CMSS1: variants seen among roughly 807,000 people sequenced by gnomAD.
The protein encoded by CMSS1 is cms1 ribosomal small subunit homolog, also known as protein CMSS1.
A neutral mutation model predicts 43.5 loss-of-function variants in CMSS1; 33 were observed. That is an observed-to-expected ratio of 0.76 (90% CI 0.57 to 1.01). CMSS1 has a LOEUF of 1.01. Among genes scored for constraint, CMSS1 ranks in the 50% least tolerant of loss-of-function variants. The pLI is 0.00. For synonymous variants in CMSS1, 115 were observed against 117.2 expected, an observed-to-expected ratio of 0.98 and a Z score of 0.12; for missense variants, 313 against 326.4, an observed-to-expected ratio of 0.96 and a Z score of 0.32.
chr3:99,900,869 G>A (rs562580406), intron 1 of CMSS1, among the ~76,000 whole-genome samples: 1 of 152,202 alleles, frequency 6.6e-6, no homozygotes, highest in Admixed American at 6.5e-5. Flanking sequence ...GTAGCAAAGT[G>A]TTAGAAGCAC....
At chr3:99,845,905 C>T (rs947563467) in intron 1 of CMSS1, among the ~76,000 whole-genome samples, 3 of 152,132 alleles carry the variant, frequency 2.0e-5, no homozygotes, top group Middle Eastern at 3.2e-3. Context: ...TGGTAAATTT[C>T]CAGTTATGTT....
intron 1 of CMSS1, among the ~76,000 whole-genome samples, chr3:99,897,331 T>C (rs1400978840): frequency 6.6e-6 from 1 of 151,652 alleles, no homozygotes; most frequent in African/African-American, 2.4e-5. Context: ...ATTGCACCAT[T>C]GCACTCCAGC....
intron 1 of CMSS1, among the ~76,000 whole-genome samples, chr3:99,932,824 G>A (rs539366513): frequency 1.3e-5 from 2 of 152,178 alleles, no homozygotes; most frequent in African/African-American, 4.8e-5. Flanking sequence ...ACAGGAGGCC[G>A]AGGTTGCATT....
intron 1 of CMSS1, among the ~76,000 whole-genome samples, chr3:99,876,532 T>C (rs1705534308): frequency 6.6e-6 from 1 of 152,272 alleles, no homozygotes; most frequent in East Asian, 1.9e-4. Context: ...CTGTTATTCT[T>C]ATGTAAACTT....
rs151093129 is a variant in CMSS1, at chr3:99,936,835, C to A, written c.64+118792C>A. Reference sequence around the variant, plus strand: ...AAGATATACATAGTAAAGGAAAAATCCTGGTTTAACATTAATTTATTCAAC... The same window carrying A: ...AAGATATACATAGTAAAGGAAAAATACTGGTTTAACATTAATTTATTCAAC... On this transcript the variant is annotated intron_variant, in intron 1 of 9. Coordinates refer to ENST00000421999, the MANE Select transcript of CMSS1 (RefSeq NM_032359.4). Among the ~76,000 whole-genome samples the A allele has an allele frequency of 1.7e-3, 266 of 152,108 alleles. 3 individuals are homozygous for A. The highest frequency in any genetic ancestry group is 6.8e-3 in the Middle Eastern group (2 of 294).
At chr3:99,916,935 C>T (rs780464530) in intron 1 of CMSS1, among the ~76,000 whole-genome samples, 4 of 152,152 alleles carry the variant, frequency 2.6e-5, no homozygotes, top group Non-Finnish European at 5.9e-5. Flanking sequence ...GTTGCAAATT[C>T]AGGATACAGT....
intron 1 of CMSS1, among the ~76,000 whole-genome samples, chr3:99,980,289 G>A (rs1431836322): frequency 1.3e-5 from 2 of 152,118 alleles, no homozygotes; most frequent in Non-Finnish European, 2.9e-5. Flanking sequence ...CTTTGGACAA[G>A]TTACTTAACC....
chr3:99,868,443 CA>C (rs1362005748), intron 1 of CMSS1, among the ~76,000 whole-genome samples: 1 of 152,188 alleles, frequency 6.6e-6, no homozygotes, highest in African/African-American at 2.4e-5. Flanking sequence ...AGCCCAGCAG[CA>C]CCAGATGATG....
intron 6 of CMSS1, among the ~76,000 whole-genome samples, chr3:100,169,091 C>T (rs868293115): frequency 2.6e-5 from 4 of 151,456 alleles, no homozygotes; most frequent in Admixed American, 2.0e-4. Flanking sequence ...TAGGGAAAGA[C>T]GGATTGTTTA....
chr3:100,121,704 C>T (rs111269686), intron 1 of CMSS1, among the ~76,000 whole-genome samples: 4 of 152,034 alleles, frequency 2.6e-5, no homozygotes, highest in South Asian at 2.1e-4. Flanking sequence ...CTTGAGGAAT[C>T]GCCACACTGT....
chr3:99,883,715 T>C (rs948585579), intron 1 of CMSS1, among the ~76,000 whole-genome samples: 14 of 152,214 alleles, frequency 9.2e-5, no homozygotes, highest in African/African-American at 3.4e-4. Context: ...GACTTCATTG[T>C]TATAATAATA....
At chr3:99,890,444 C>T (rs1407919359) in intron 1 of CMSS1, among the ~76,000 whole-genome samples, 1 of 152,050 alleles carries the variant, frequency 6.6e-6, no homozygotes, top group Non-Finnish European at 1.5e-5. Flanking sequence ...TCAAATATGG[C>T]TTCTGAACAG....
intron 1 of CMSS1, among the ~76,000 whole-genome samples, chr3:99,937,553 G>A (rs545637073): frequency 1.1e-3 from 166 of 152,310 alleles, no homozygotes; most frequent in African/African-American, 3.8e-3. Context: ...TTGGGCGTCA[G>A]TGAGCCTTTA....
intron 3 of CMSS1, 32 bp downstream of exon 3, chr3:100,160,533 C>T: frequency 2.8e-6 from 3 of 1,057,762 alleles, no homozygotes; most frequent in African/African-American, 1.6e-5. Flanking sequence ...ATTTGTATGG[C>T]CCCACATGGT....
intron 1 of CMSS1, among the ~76,000 whole-genome samples, chr3:100,012,286 G>A (rs184516719): frequency 9.1e-4 from 139 of 152,106 alleles, no homozygotes; most frequent in African/African-American, 3.1e-3. Context: ...CCAATTAGAA[G>A]GCCTGCCAAA....
intron 3 of CMSS1, among the ~76,000 whole-genome samples, chr3:100,161,238 A>G (rs1419520058): frequency 6.6e-6 from 1 of 152,238 alleles, no homozygotes; most frequent in Non-Finnish European, 1.5e-5. Context: ...AAGCTTTTAG[A>G]AAACTGAGAG....
chr3:100,145,300 G>C (rs1038200232), intron 1 of CMSS1, among the ~76,000 whole-genome samples: 4 of 152,008 alleles, frequency 2.6e-5, no homozygotes, highest in Admixed American at 6.6e-5. Context: ...AATTAGCCAG[G>C]CGCCAGGCAT....
chr3:100,024,711 G>A (rs1369052250), intron 1 of CMSS1, among the ~76,000 whole-genome samples: 2 of 152,172 alleles, frequency 1.3e-5, no homozygotes, highest in Non-Finnish European at 2.9e-5. Flanking sequence ...CAGCATGTGT[G>A]GGCTCAGTCC....
At position 99,916,437 on chromosome 3, in the gene CMSS1, T is replaced by TACACACACACAC. The variant is rs10529210; in HGVS notation, c.64+98431_64+98442dup. On this transcript the variant is annotated intron_variant, in intron 1 of 9. Transcript: ENST00000421999. Reference sequence around the variant, plus strand: ...GCCAACACTTTATAATAACGGTTTATACACACACACACACACACACACACA... The same window carrying TACACACACACAC: ...GCCAACACTTTATAATAACGGTTTATACACACACACACACACACACACACACACACACACACA... 5.2e-3 allele frequency among the ~76,000 whole-genome samples: 715 copies of TACACACACACAC among 137,140 alleles called. 10 individuals are homozygous for TACACACACACAC. The highest frequency in any genetic ancestry group is 0.018 in the African/African-American group (653 of 35,966). 90.0% of individuals were successfully genotyped at this position (137,140 alleles called of 152,430 possible). A position where few individuals can be genotyped will look rare whatever the true frequency, so the allele number is the denominator to read the frequency against.
Sources: gnomAD v4.1 joint callset for allele counts (sites outside exome capture counted in the v4.1 genomes callset) on GRCh38, gnomAD v4.1.1 for gene constraint, MANE v1.5 for transcripts, NCBI Gene and HGNC (gene_info 2026-07-23, HGNC 2026-07-21) for gene names.